CDKAL1: variants seen among roughly 807,000 people sequenced by gnomAD.
The protein encoded by CDKAL1 is CDKAL1 threonylcarbamoyladenosine tRNA methylthiotransferase.
CDKAL1 carries 32 observed loss-of-function variants against 68.2 expected under a neutral mutation model. That is an observed-to-expected ratio of 0.47 (90% CI 0.35 to 0.63). CDKAL1 has a LOEUF of 0.63. Among genes scored for constraint, CDKAL1 ranks in the 30% least tolerant of loss-of-function variants. The pLI, the probability that CDKAL1 is intolerant of heterozygous loss-of-function variation, is 0.00. For synonymous variants in CDKAL1, 234 were observed against 244.3 expected (o/e 0.96, Z 0.39); for missense variants, 606 against 696.7 (o/e 0.87, Z 1.47).
intron 13 of CDKAL1, among the ~76,000 whole-genome samples, chr6:21,188,242 T>A (rs1178668815): frequency 6.6e-6 from 1 of 152,248 alleles, no homozygotes; most frequent in Admixed American, 6.5e-5. Context: ...GTTAAAAACT[T>A]CTCATTTATG....
At chr6:20,909,995 TCCTA>T (rs1762397134) in intron 9 of CDKAL1, among the ~76,000 whole-genome samples, 1 of 152,244 alleles carries the variant, frequency 6.6e-6, no homozygotes, top group African/African-American at 2.4e-5. Flanking sequence ...TAGTCATTTC[TCCTA>T]CATTCTCATA....
intron 5 of CDKAL1, among the ~76,000 whole-genome samples, chr6:20,655,318 A>G (rs1483540823): frequency 6.6e-6 from 1 of 152,216 alleles, no homozygotes; most frequent in Non-Finnish European, 1.5e-5. Flanking sequence ...TCAGGAGTCC[A>G]GTGAGGACAG....
intron 9 of CDKAL1, among the ~76,000 whole-genome samples, chr6:20,943,833 A>G (rs183842656): frequency 6.6e-6 from 1 of 151,542 alleles, no homozygotes; most frequent in Non-Finnish European, 1.5e-5. Context: ...TCAGTGGTGC[A>G]TGCCTGTTGT....
intron 5 of CDKAL1, among the ~76,000 whole-genome samples, chr6:20,687,161 G>A (rs1193254489): frequency 6.6e-6 from 1 of 152,084 alleles, no homozygotes; most frequent in African/African-American, 2.4e-5. Flanking sequence ...TTGTCTTTGT[G>A]TGGTTTTGGT....
At chr6:20,840,831 C>G (rs1778145145) in intron 8 of CDKAL1, among the ~76,000 whole-genome samples, 1 of 152,138 alleles carries the variant, frequency 6.6e-6, no homozygotes, top group Non-Finnish European at 1.5e-5. Flanking sequence ...TCACAGTAGG[C>G]TATATTTAAC....
chr6:20,946,691 G>T (rs924997473), intron 9 of CDKAL1, among the ~76,000 whole-genome samples: 8 of 150,032 alleles, frequency 5.3e-5, no homozygotes, highest in Non-Finnish European at 8.9e-5. Context: ...TCCACCTCCC[G>T]GGTTCAAGTG....
At chr6:20,585,809 T>C (rs376197929) in intron 4 of CDKAL1, among the ~76,000 whole-genome samples, 3 of 152,280 alleles carry the variant, frequency 2.0e-5, no homozygotes, top group Non-Finnish European at 4.4e-5. Context: ...TACTCACTTA[T>C]TTGGGTTTTT....
intron 9 of CDKAL1, among the ~76,000 whole-genome samples, chr6:20,847,286 A>G (rs566751966): frequency 2.6e-5 from 4 of 152,324 alleles, no homozygotes; most frequent in Admixed American, 2.6e-4. Flanking sequence ...GTCTAATCTA[A>G]GAAAAAGCCT....
chr6:20,997,555 A>T (rs1320405664), intron 10 of CDKAL1, among the ~76,000 whole-genome samples: 1 of 151,980 alleles, frequency 6.6e-6, no homozygotes, highest in Non-Finnish European at 1.5e-5. Flanking sequence ...GGGAGGGGGA[A>T]ACCACTACAT....
intron 8 of CDKAL1, among the ~76,000 whole-genome samples, chr6:20,783,007 T>G (rs1297561376): frequency 6.6e-6 from 1 of 152,132 alleles, no homozygotes; most frequent in Non-Finnish European, 1.5e-5. Context: ...CTTGGCTCAC[T>G]GCAACCTCTG....
chr6:21,128,954 C>T (rs751649786), intron 13 of CDKAL1, among the ~76,000 whole-genome samples: 6 of 152,130 alleles, frequency 3.9e-5, no homozygotes, highest in Admixed American at 2.6e-4. Context: ...TGCAGTCTGT[C>T]CTGGGTTTGA....
intron 8 of CDKAL1, among the ~76,000 whole-genome samples, chr6:20,827,082 A>G (rs1414418931): frequency 1.3e-5 from 2 of 152,208 alleles, no homozygotes; most frequent in African/African-American, 2.4e-5. Flanking sequence ...TTATTATTAA[A>G]GAGCTTGTTC....
At chr6:20,945,554 C>T (rs1019183992) in intron 9 of CDKAL1, among the ~76,000 whole-genome samples, 2 of 152,240 alleles carry the variant, frequency 1.3e-5, no homozygotes, top group African/African-American at 2.4e-5. Flanking sequence ...CACATATTCT[C>T]ATTTGTCCTA....
chr6:21,061,513 G>A (rs1244243873), intron 11 of CDKAL1, among the ~76,000 whole-genome samples: 1 of 152,058 alleles, frequency 6.6e-6, no homozygotes, highest in Non-Finnish European at 1.5e-5. Context: ...GAAAATTCAT[G>A]TCATCTCAAA....
chr6:20,550,190 C>T (rs542978196), intron 4 of CDKAL1, among the ~76,000 whole-genome samples: 9 of 151,960 alleles, frequency 5.9e-5, no homozygotes, highest in Non-Finnish European at 1.3e-4. Flanking sequence ...GGTAGCCAGG[C>T]TGGTCTAGAC....
intron 5 of CDKAL1, among the ~76,000 whole-genome samples, chr6:20,696,860 A>G (rs148302015): frequency 2.4e-4 from 37 of 152,260 alleles, no homozygotes; most frequent in African/African-American, 8.9e-4. Flanking sequence ...GTGTTGAAGA[A>G]TGTTTTGTAT....
At chr6:21,191,127 A>G (rs1408974475) in intron 13 of CDKAL1, among the ~76,000 whole-genome samples, 1 of 152,230 alleles carries the variant, frequency 6.6e-6, no homozygotes, top group African/African-American at 2.4e-5. Context: ...TCTTTGTTTA[A>G]TTTGAGTAAT....
chr6:21,170,984 A>T (rs1777361117), intron 13 of CDKAL1, among the ~76,000 whole-genome samples: 1 of 152,220 alleles, frequency 6.6e-6, no homozygotes, highest in Non-Finnish European at 1.5e-5. Context: ...AGTAGCTCTG[A>T]TCACCTGATT....
At chr6:21,102,979 T>C (rs749842145) in intron 12 of CDKAL1, among the ~76,000 whole-genome samples, 5 of 152,232 alleles carry the variant, frequency 3.3e-5, no homozygotes, top group Admixed American at 6.5e-5. Flanking sequence ...CCACGAAGTA[T>C]GATGAAGGCT....
Sources: allele counts gnomAD v4.1 joint callset (sites outside exome capture counted in the v4.1 genomes callset), GRCh38; gene constraint gnomAD v4.1.1; transcripts MANE v1.5; gene names NCBI Gene and HGNC (gene_info 2026-07-23, HGNC 2026-07-21).